C12orf75: variants seen among roughly 807,000 people sequenced by gnomAD.
C12orf75 encodes the protein chromosome 12 open reading frame 75.
Under a neutral mutation model 11.4 loss-of-function variants are expected in C12orf75, and 4 were observed. That is an observed-to-expected ratio of 0.35 (90% CI 0.17 to 0.80). The LOEUF (loss-of-function observed/expected upper bound fraction) is 0.80, where lower values mean the gene tolerates loss of function less well. Ranked by LOEUF, C12orf75 falls within the 30% of genes least tolerant of loss-of-function variation. C12orf75 has a pLI of 0.52. For missense variants in C12orf75, 89 were observed against 80.4 expected (o/e 1.11, Z -0.41); for synonymous variants, 30 against 30.0 (o/e 1.00, Z 0.00).
chr12:105,340,430 C>CAAAAAAA (rs60658476), intron 1 of C12orf75, among the ~76,000 whole-genome samples: 132 of 115,380 alleles, frequency 1.1e-3, no homozygotes, highest in African/African-American at 4.2e-3. Context: ...GTGCCCCCGC[C>CAAAAAAA]AAAAAAAAAA....
intron 2 of C12orf75, among the ~76,000 whole-genome samples, chr12:105,362,379 C>T (rs1211872021): frequency 1.9e-4 from 15 of 77,822 alleles, no homozygotes; most frequent in Admixed American, 1.4e-3. Flanking sequence ...AGCGAGACTC[C>T]GTCTCAAAAA....
chr12:105,337,401 A>G (rs778562715), intron 1 of C12orf75, among the ~76,000 whole-genome samples: 3 of 152,148 alleles, frequency 2.0e-5, no homozygotes, highest in Admixed American at 6.5e-5. Flanking sequence ...AAGTGAGGAG[A>G]GCAGAGAGAA....
At chr12:105,351,301 G>A (rs1892710956) in intron 2 of C12orf75, among the ~76,000 whole-genome samples, 1 of 152,092 alleles carries the variant, frequency 6.6e-6, no homozygotes, top group South Asian at 2.1e-4. Context: ...AATAAGTACT[G>A]AGAGTAAAGA....
At chr12:105,362,874 C>A (rs1892892669) in intron 2 of C12orf75, among the ~76,000 whole-genome samples, 1 of 152,098 alleles carries the variant, frequency 6.6e-6, no homozygotes, top group African/African-American at 2.4e-5. Context: ...ACTGGTCTTG[C>A]AAGATTGTAT....
chr12:105,361,856 G>A (rs907509670), intron 2 of C12orf75, among the ~76,000 whole-genome samples: 2 of 152,148 alleles, frequency 1.3e-5, no homozygotes, highest in South Asian at 4.2e-4. Flanking sequence ...ACCAACCACC[G>A]CTTTCTGATT....
At chr12:105,349,445 G>A (rs1372509147) in intron 2 of C12orf75, among the ~76,000 whole-genome samples, 1 of 152,182 alleles carries the variant, frequency 6.6e-6, no homozygotes, top group Non-Finnish European at 1.5e-5. Context: ...AGTGGGCTGG[G>A]GTGAGGCTAC....
chr12:105,351,709 A>T (rs1892715883), intron 2 of C12orf75, among the ~76,000 whole-genome samples: 1 of 152,176 alleles, frequency 6.6e-6, no homozygotes, highest in African/African-American at 2.4e-5. Flanking sequence ...GTGCCAGAGG[A>T]CAGTAGGTCT....
Position 105,370,927 on chromosome 12 carries a change from A to C in C12orf75, c.*327A>C. On this transcript the variant is annotated 3_prime_UTR_variant, in exon 6 of 6. Transcript: ENST00000443585. ...TTTTGACAACATTTCCACCCTGGCC[A>C]CTCAGCACATTTCATGGAGGTCATG... The C allele has an allele frequency of 3.4e-6, 1 of 291,428 alleles. No homozygotes were observed. 18.1% of individuals were successfully genotyped at this position (291,428 alleles called of 1,614,324 possible).
In C12orf75 at chr12:105,366,068, A is replaced by G. The variant is rs949116250; in HGVS notation, c.107+226A>G. On this transcript the variant is annotated intron_variant, in intron 3 of 5. Coordinates refer to ENST00000443585, the MANE Select transcript of C12orf75 (RefSeq NM_001145199.2). ...TTGTCCTATGCATGTGGCGTGTGCT[A>G]ATTTTCATCCTATGACCTTTGGGTG... The G allele has an allele frequency of 1.3e-5, 7 of 542,784 alleles. No homozygotes were observed. The East Asian group carries it at 2.2e-4, about 17-fold the overall frequency. 33.6% of individuals were successfully genotyped at this position (542,784 alleles called of 1,614,324 possible). A position where few individuals can be genotyped will look rare whatever the true frequency, so the allele number is the denominator to read the frequency against.
chr12:105,342,828 T>C (rs1164705762), intron 1 of C12orf75, among the ~76,000 whole-genome samples: 1 of 152,230 alleles, frequency 6.6e-6, no homozygotes. Context: ...AAATATCTTA[T>C]GATGAAACTG....
At chr12:105,367,380 C>G in intron 4 of C12orf75, 92 bp from the exon 5 acceptor site, 1 of 471,964 alleles carries the variant, frequency 2.1e-6, no homozygotes, top group South Asian at 2.9e-5. Flanking sequence ...CTAGCAAATA[C>G]ATGTATGTCA....
Position 105,367,510 on chromosome 12 carries a change from G to T in C12orf75, c.*33+1G>T, listed in dbSNP as rs560414568. On this transcript the variant is annotated splice_donor_variant, in intron 5 of 5. Transcript: ENST00000443585. LOFTEE classifies it low-confidence loss of function (3UTR_SPLICE). The stretch of plus-strand genomic sequence containing the variant: ...AACATCATGACTCAAGAATCAAGAG[G>T]TGCTGTATATTTTTCTAAATAATTC... 1.8e-5 allele frequency: 14 copies of T among 779,740 alleles called. No homozygotes were observed. In the South Asian group the frequency reaches 1.8e-4, roughly 10 times the overall value. The allele number at this position is 779,740 out of a possible 1,614,324, so 48.3% of individuals were successfully genotyped here. A position where few individuals can be genotyped will look rare whatever the true frequency, so the allele number is the denominator to read the frequency against.
At chr12:105,352,412 A>C (rs904715812) in intron 2 of C12orf75, among the ~76,000 whole-genome samples, 5 of 152,206 alleles carry the variant, frequency 3.3e-5, no homozygotes, top group African/African-American at 1.2e-4. Flanking sequence ...AATTTTCAGA[A>C]TATACTGTAT....
chr12:105,350,758 T>C (rs1213632915), intron 2 of C12orf75, among the ~76,000 whole-genome samples: 1 of 152,184 alleles, frequency 6.6e-6, no homozygotes, highest in Non-Finnish European at 1.5e-5. Flanking sequence ...TTGATCATAG[T>C]TTGTGTTGAA....
intron 1 of C12orf75, among the ~76,000 whole-genome samples, chr12:105,341,672 C>A (rs1455719446): frequency 1.3e-5 from 2 of 152,180 alleles, no homozygotes; most frequent in Admixed American, 6.5e-5. Context: ...AGCCTCTGGC[C>A]CCAGTGGAGT....
intron 1 of C12orf75, among the ~76,000 whole-genome samples, chr12:105,339,255 C>T (rs1267388393): frequency 4.6e-5 from 7 of 151,706 alleles, no homozygotes; most frequent in East Asian, 1.9e-4. Flanking sequence ...ATATAGTTCT[C>T]GGAGGGACTG....
Position 105,370,637 on chromosome 12 carries a change from G to A in C12orf75, c.*37G>A, listed in dbSNP as rs1324562161. ...TCCTCTTCTGTTGTCTCCTTAGCTT[G>A]CTCATCAGTTTGGAAGGAATTTGGC... On this transcript the variant is annotated 3_prime_UTR_variant, in exon 6 of 6. Coordinates refer to ENST00000443585, the MANE Select transcript of C12orf75 (RefSeq NM_001145199.2). 4.4e-6 allele frequency: 2 copies of A among 457,452 alleles called. No homozygotes were observed. Among genetic ancestry groups the A allele is most frequent in the Non-Finnish European group, 8.8e-6 (2 of 226,806 alleles). The allele number at this position is 457,452 out of a possible 1,614,324, so 28.3% of individuals were successfully genotyped here. A position where few individuals can be genotyped will look rare whatever the true frequency, so the allele number is the denominator to read the frequency against.
intron 2 of C12orf75, among the ~76,000 whole-genome samples, chr12:105,358,132 G>C (rs546565441): frequency 1.3e-5 from 2 of 152,290 alleles, no homozygotes; most frequent in East Asian, 3.9e-4. Flanking sequence ...ACAGATGTGA[G>C]TCACTGCGCT....
rs7953481 is a variant in C12orf75 at position 105,346,445 on chromosome 12, G to A, written c.47-2157G>A. Among the ~76,000 whole-genome samples the A allele has an allele frequency of 2.6e-5, 4 of 151,932 alleles. No individual in the cohort carries two copies. In the East Asian group the frequency reaches 7.7e-4, roughly 29 times the overall value. Reference sequence around the variant, plus strand: ...AAATAAAACGTTCATTTTCACGGGTGTATGGTGGCACTAATTTTTGTTAAT... The same window carrying A: ...AAATAAAACGTTCATTTTCACGGGTATATGGTGGCACTAATTTTTGTTAAT... On this transcript the variant is annotated intron_variant, in intron 1 of 5. Coordinates refer to ENST00000443585, the MANE Select transcript of C12orf75 (RefSeq NM_001145199.2).
Sources: allele counts gnomAD v4.1 joint callset (sites outside exome capture counted in the v4.1 genomes callset), GRCh38; gene constraint gnomAD v4.1.1; transcripts MANE v1.5; gene names NCBI Gene and HGNC (gene_info 2026-07-23, HGNC 2026-07-21).